The following USP34 variants were observed in gnomAD, a reference collection of about 807,000 sequenced individuals.
USP34 encodes ubiquitin specific peptidase 34, also known as ubiquitin carboxyl-terminal hydrolase 34.
In USP34, 70 loss-of-function variants were observed where a neutral mutation model predicts 460.3. The ratio of observed to expected loss-of-function variants is 0.15; its 90% confidence interval spans 0.13 to 0.19. USP34 has a LOEUF of 0.19. Among genes scored for constraint, USP34 ranks in the 10% least tolerant of loss-of-function variants. USP34 has a pLI of 1.00. For synonymous variants in USP34, 1,647 were observed against 1,405.3 expected (o/e 1.17, Z -3.85); for missense variants, 3,985 against 4,236.2 (o/e 0.94, Z 1.65).
At chr2:61,274,924 A>G (rs1280786825) in intron 41 of USP34, among the ~76,000 whole-genome samples, 1 of 152,232 alleles carries the variant, frequency 6.6e-6, no homozygotes, top group African/African-American at 2.4e-5. Flanking sequence ...TATCACTAGA[A>G]ATAGTTTAAG....
intron 10 of USP34, among the ~76,000 whole-genome samples, chr2:61,359,399 G>A (rs1167004446): frequency 1.3e-5 from 2 of 151,948 alleles, no homozygotes; most frequent in Non-Finnish European, 2.9e-5. Flanking sequence ...CATGTAAAAA[G>A]AATAAAGTTT....
chr2:61,306,148 C>T lies in USP34; in HGVS notation c.3818-4694G>A, dbSNP rs1164756990. Among the ~76,000 whole-genome samples the T allele has an allele frequency of 2.6e-5, 4 of 152,120 alleles. No individual in the cohort carries two copies. The East Asian group carries it at 7.7e-4, about 29-fold the overall frequency. Reference sequence around the variant, plus strand: ...TGGTGTTTTGGACATGAAGTCCTTGCCCATGCCTATGTCCTGAATGGTATT... The same window carrying T: ...TGGTGTTTTGGACATGAAGTCCTTGTCCATGCCTATGTCCTGAATGGTATT... On this transcript the variant is annotated intron_variant, in intron 27 of 79. Coordinates refer to ENST00000398571, the MANE Select transcript of USP34 (RefSeq NM_014709.4).
intron 61 of USP34, 32 bp from the exon 62 acceptor site, chr2:61,227,250 G>T (rs1687752768): frequency 6.4e-7 from 1 of 1,573,666 alleles, no homozygotes; most frequent in Non-Finnish European, 8.6e-7. Flanking sequence ...TTTTAATACG[G>T]TAGTAGTTTT....
intron 7 of USP34, among the ~76,000 whole-genome samples, chr2:61,379,728 C>G (rs1692917288): frequency 1.3e-5 from 2 of 152,334 alleles, no homozygotes; most frequent in South Asian, 2.1e-4. Flanking sequence ...TACAGATTTT[C>G]ATGTTACTTT....
intron 41 of USP34, among the ~76,000 whole-genome samples, chr2:61,270,487 G>A (rs1226997185): frequency 6.6e-6 from 1 of 152,178 alleles, no homozygotes; most frequent in African/African-American, 2.4e-5. Context: ...CCAGGCTGGA[G>A]TGTAGTGGCA....
At chr2:61,265,320 C>T (rs1186965423) in intron 43 of USP34, 77 bp downstream of exon 43, 6 of 1,460,654 alleles carry the variant, frequency 4.1e-6, no homozygotes, top group Non-Finnish European at 3.7e-6. Context: ...ACATTTACTA[C>T]ATTGAAATAA....
intron 3 of USP34, among the ~76,000 whole-genome samples, chr2:61,398,569 AG>A (rs1423525312): frequency 5.6e-4 from 3 of 5,322 alleles, no homozygotes; most frequent in Admixed American, 5.5e-3. Flanking sequence ...AAGCGGGAAG[AG>A]GGGAAAGTCG....
chr2:61,293,695 A>G (rs759110435), intron 32 of USP34, 145 bp from the exon 33 acceptor site: 12 of 599,212 alleles, frequency 2.0e-5, no homozygotes, highest in Non-Finnish European at 3.4e-5. Context: ...TAATTTCTAG[A>G]CAAAATAATA....
At position 61,229,432 on chromosome 2, in the gene USP34, G is replaced by A. The variant is rs866305282; in HGVS notation, c.7199+116C>T. 282 of 711,194 alleles carry A rather than the reference G, an allele frequency of 4.0e-4. No homozygotes were observed. In the Middle Eastern group the frequency reaches 4.6e-3, roughly 12 times the overall value. The allele number at this position is 711,194 out of a possible 1,614,324, so 44.1% of individuals were successfully genotyped here. The stretch of plus-strand genomic sequence containing the variant: ...AACTTACGAGTTTGAGACCAGCCTG[G>A]GCAACATGAAGAAACCCTATCTCTT... On this transcript the variant is annotated intron_variant, in intron 59 of 79. Transcript: ENST00000398571.
chr2:61,416,790 G>T, intron 2 of USP34: 3 of 401,954 alleles, frequency 7.5e-6, no homozygotes, highest in East Asian at 4.1e-5. Context: ...AAACAAACAT[G>T]TGTTATTAAC....
intron 1 of USP34, among the ~76,000 whole-genome samples, chr2:61,445,155 G>C (rs1448279481): frequency 8.1e-6 from 1 of 123,062 alleles, no homozygotes; most frequent in Non-Finnish European, 1.6e-5. Context: ...GTCAACAGCA[G>C]AACCACACTA....
rs1687108899 is a variant in USP34 at position 61,206,025 on chromosome 2, G to A, written c.9146C>T (p.Ala3049Val). ...NSYSPPELRN[A>V]CIDVLKELVL... Reference sequence around the variant, plus strand: ...TTTTTCAAGTAACTTACCTATACAGGCATTTCTAAGTTCTGGAGGACTATA... The same window carrying A: ...TTTTTCAAGTAACTTACCTATACAGACATTTCTAAGTTCTGGAGGACTATA... The change falls in exon 72 of 80, where the codon GCC (alanine) becomes GTC (valine). Residue 3049 changes from alanine (A) to valine (V), a missense_variant. Coordinates refer to ENST00000398571, the MANE Select transcript of USP34 (RefSeq NM_014709.4). 6.2e-7 allele frequency: 1 copy of A among 1,611,752 alleles called. No individual in the cohort carries two copies. Among genetic ancestry groups the A allele is most frequent in the South Asian group, 1.1e-5 (1 of 90,990 alleles).
chr2:61,203,806 G>C (rs1687039028), intron 74 of USP34, among the ~76,000 whole-genome samples: 1 of 151,608 alleles, frequency 6.6e-6, no homozygotes, highest in Admixed American at 6.6e-5. Flanking sequence ...CATTATTTTA[G>C]AATATGAGTT....
intron 3 of USP34, among the ~76,000 whole-genome samples, chr2:61,400,976 C>T (rs1027181185): frequency 1.3e-5 from 2 of 151,734 alleles, no homozygotes; most frequent in Non-Finnish European, 2.9e-5. Flanking sequence ...ATGGTGAAAC[C>T]CTGTCTCTAC....
At position 61,315,325 on chromosome 2, in the gene USP34, T is replaced by C. The variant is rs977709604; in HGVS notation, c.3283-351A>G. ...CTAAACTGAGAAAACCACTGCTTTC[T>C]TGTATTCACAGAAAATTAACAACAT... is the stretch of plus-strand genomic sequence containing the variant. On this transcript the variant is annotated intron_variant, in intron 23 of 79. Transcript: ENST00000398571. 2.0e-5 allele frequency among the ~76,000 whole-genome samples: 3 copies of C among 152,180 alleles called. No homozygotes were observed. The East Asian group carries it at 5.8e-4, about 29-fold the overall frequency.
intron 75 of USP34, chr2:61,200,358 T>G (rs1686939183): frequency 6.6e-6 from 1 of 152,352 alleles, no homozygotes; most frequent in African/African-American, 2.4e-5. Context: ...GAATTCTCTT[T>G]CCCTTTCTTT....
chr2:61,240,858 G>A (rs1290988481), intron 53 of USP34, among the ~76,000 whole-genome samples: 1 of 152,034 alleles, frequency 6.6e-6, no homozygotes, highest in African/African-American at 2.4e-5. Flanking sequence ...ATAGGCATGA[G>A]CCACTGCGCC....
intron 5 of USP34, among the ~76,000 whole-genome samples, chr2:61,392,699 C>G (rs1693388688): frequency 6.6e-6 from 1 of 152,158 alleles, no homozygotes; most frequent in Non-Finnish European, 1.5e-5. Context: ...AAGTCTTTAA[C>G]AAGCTTTCCA....
intron 8 of USP34, among the ~76,000 whole-genome samples, chr2:61,375,768 C>CAAAAAAAAAAAAAAAAAAAAAA (rs56304309): frequency 7.4e-5 from 6 of 80,868 alleles, no homozygotes; most frequent in Middle Eastern, 8.1e-3. Flanking sequence ...GACTCTGTCT[C>CAAAAAAAAAAAAAAAAAAAAAA]AAAAAAAAAA....
Sources: allele counts gnomAD v4.1 joint callset (sites outside exome capture counted in the v4.1 genomes callset), GRCh38; gene constraint gnomAD v4.1.1; transcripts MANE v1.5; gene names NCBI Gene and HGNC (gene_info 2026-07-23, HGNC 2026-07-21).